The following PKHD1 variants were observed in gnomAD, a reference collection of about 807,000 sequenced individuals.
PKHD1 encodes fibrocystin.
Under a neutral mutation model 412.0 loss-of-function variants are expected in PKHD1, and 291 were observed. The ratio of observed to expected loss-of-function variants is 0.71; its 90% confidence interval spans 0.64 to 0.78. The LOEUF is 0.78. Among genes scored for constraint, PKHD1 ranks in the 30% least tolerant of loss-of-function variants. The pLI is 0.00. For synonymous variants in PKHD1, 1,777 were observed against 1,821.5 expected (o/e 0.98, Z 0.62); for missense variants, 4,825 against 4,950.7 (o/e 0.97, Z 0.76).
At chr6:51,626,790 C>A (rs1767290875) in intron 66 of PKHD1, among the ~76,000 whole-genome samples, 1 of 152,120 alleles carries the variant, frequency 6.6e-6, no homozygotes. Flanking sequence ...ATATAAATAT[C>A]AATTCAAATA....
In PKHD1 at chr6:51,938,500, C is replaced by G. The variant is rs537398195; in HGVS notation, c.5909-4178G>C. 3.3e-4 allele frequency among the ~76,000 whole-genome samples: 45 copies of G among 134,660 alleles called. 2 individuals are homozygous for G. In the South Asian group the frequency reaches 0.012, roughly 35 times the overall value. 88.3% of individuals were successfully genotyped at this position (134,660 alleles called of 152,430 possible). Reference sequence around the variant, plus strand: ...CCCCACTGAGCACGCTGTGACCCCCCACTCCTGCCCGCCAGAGAACAACCC... The same window carrying G: ...CCCCACTGAGCACGCTGTGACCCCCGACTCCTGCCCGCCAGAGAACAACCC... On this transcript the variant is annotated intron_variant, in intron 36 of 66. Coordinates refer to ENST00000371117, the MANE Select transcript of PKHD1 (RefSeq NM_138694.4).
intron 60 of PKHD1, among the ~76,000 whole-genome samples, chr6:51,743,522 G>A (rs1047758205): frequency 6.6e-6 from 1 of 152,062 alleles, no homozygotes; most frequent in Non-Finnish European, 1.5e-5. Context: ...CCAAATTTCA[G>A]GGTCGAGTCT....
At position 52,050,273 on chromosome 6, in the gene PKHD1, C is replaced by T. The variant is rs1380077729; in HGVS notation, c.2163G>A (p.Thr721=). Residue 721 remains threonine, a synonymous_variant, in exon 22 of 67, where the codon ACG becomes ACA. Transcript: ENST00000371117. ...NVTVSQADSG[T]ARPGGNLVES... is the part of the protein sequence containing the mutation. ...CCACCAGATTGCCCCCTGGGCGAGC[C>T]GTTCCAGAATCAGCTTGAGAAACTA... 8 of 1,613,990 alleles carry T rather than the reference C, an allele frequency of 5.0e-6. No individual in the cohort carries two copies. Among genetic ancestry groups the T allele is most frequent in the African/African-American group, 1.3e-5 (1 of 74,912 alleles).
chr6:51,905,984 C>T (rs1326474637), intron 41 of PKHD1, among the ~76,000 whole-genome samples: 2 of 152,146 alleles, frequency 1.3e-5, no homozygotes, highest in African/African-American at 4.8e-5. Context: ...TCCCATTATA[C>T]ACTTATTAAC....
intron 22 of PKHD1, among the ~76,000 whole-genome samples, 168 bp from the exon 23 acceptor site, chr6:52,048,787 C>A (rs1221023133): frequency 6.6e-6 from 1 of 152,210 alleles, no homozygotes; most frequent in Non-Finnish European, 1.5e-5. Context: ...ATGTGAGAAT[C>A]ATTTCAGAGT....
intron 50 of PKHD1, among the ~76,000 whole-genome samples, chr6:51,840,407 G>A (rs1161881288): frequency 1.3e-5 from 2 of 152,052 alleles, no homozygotes; most frequent in East Asian, 1.9e-4. Context: ...AATTTTGGGG[G>A]GGACAAAAGG....
rs1007593876 is a variant in PKHD1, at chr6:52,070,406, T to A, written c.707A>T (p.Lys236Met). The A allele has an allele frequency of 1.9e-6, 3 of 1,601,200 alleles. No individual in the cohort carries two copies. The highest frequency in any genetic ancestry group is 1.7e-5 in the Admixed American group (1 of 59,972). ...CCTATTTCTATACCCAGTTACTTAC[T>A]TTCCTTTGTTAAATACTGAGAAGCT... ...NVSFSVFNKG[K>M]SMVHKKAWLI... is the part of the protein sequence containing the mutation. Residue 236 changes from lysine to methionine, a missense_variant and splice_region_variant, in exon 10 of 67, where the codon AAG (lysine) becomes ATG (methionine). Coordinates refer to ENST00000371117, the MANE Select transcript of PKHD1 (RefSeq NM_138694.4).
At chr6:51,909,898 A>G (rs1227987048) in intron 39 of PKHD1, among the ~76,000 whole-genome samples, 4 of 152,152 alleles carry the variant, frequency 2.6e-5, no homozygotes, top group African/African-American at 9.7e-5. Context: ...TAAGCTGTCC[A>G]ATGAGGTTTC....
Position 52,066,050 on chromosome 6 carries a change from C to A in PKHD1, c.806G>T (p.Gly269Val). ...GATGTTTGTTCTTCCCCCAAGGCTC[C>A]CAGTTTCTGGAAACACAGATAATAT... Reference protein sequence around the residue: ...SEILSVFPETGSLGGRTNITI... With the variant: ...SEILSVFPETVSLGGRTNITI... Residue 269 changes from glycine to valine, a missense_variant, in exon 12 of 67, where the codon GGG becomes GTG. Coordinates refer to ENST00000371117, the MANE Select transcript of PKHD1 (RefSeq NM_138694.4). 6.3e-7 allele frequency: 1 copy of A among 1,596,702 alleles called. No homozygotes were observed. Among genetic ancestry groups the A allele is most frequent in the Non-Finnish European group, 8.6e-7 (1 of 1,165,198 alleles).
In PKHD1 at chr6:51,753,969, A is replaced by T. The variant is rs1431553505; in HGVS notation, c.8798-616T>A. Among the ~76,000 whole-genome samples, 3 of 152,144 alleles carry T rather than the reference A, an allele frequency of 2.0e-5. No individual in the cohort carries two copies. In the East Asian group the frequency reaches 5.8e-4, roughly 29 times the overall value. On this transcript the variant is annotated intron_variant, in intron 56 of 66. Transcript: ENST00000371117. ...CATTTTACTGAAATCATTGCTGAAG[A>T]TTTCTTTTTTCTTTGCCACTTACTA... is the stretch of plus-strand genomic sequence containing the variant.
At chr6:51,837,591 A>G (rs1460869948) in intron 50 of PKHD1, among the ~76,000 whole-genome samples, 4 of 152,082 alleles carry the variant, frequency 2.6e-5, no homozygotes, top group Admixed American at 2.6e-4. Context: ...CTATAATCCC[A>G]GCTACTAGGG....
chr6:51,762,116 C>T (rs888843261), intron 55 of PKHD1, among the ~76,000 whole-genome samples: 1 of 152,026 alleles, frequency 6.6e-6, no homozygotes, highest in African/African-American at 2.4e-5. Flanking sequence ...ATAGCAATGT[C>T]TTAACAGTTA....
chr6:51,725,940 T>C (rs1039411781), intron 60 of PKHD1, among the ~76,000 whole-genome samples: 1 of 152,192 alleles, frequency 6.6e-6, no homozygotes, highest in Non-Finnish European at 1.5e-5. Flanking sequence ...TGTTGTTTTG[T>C]TGATGAGCCA....
At chr6:51,905,021 T>C (rs951461787) in intron 41 of PKHD1, among the ~76,000 whole-genome samples, 5 of 152,234 alleles carry the variant, frequency 3.3e-5, no homozygotes, top group African/African-American at 1.2e-4. Flanking sequence ...AGCAAATGTA[T>C]CTGATTCACA....
chr6:51,834,986 C>T (rs1486077911), intron 51 of PKHD1, among the ~76,000 whole-genome samples: 2 of 152,212 alleles, frequency 1.3e-5, no homozygotes, highest in Non-Finnish European at 2.9e-5. Flanking sequence ...TTCACATCCC[C>T]ATTTGTAAAA....
intron 60 of PKHD1, chr6:51,721,469 C>T: frequency 1.2e-6 from 1 of 817,456 alleles, no homozygotes; most frequent in South Asian, 5.6e-5. Context: ...TAAGGCTTCT[C>T]TACCATATTA....
intron 42 of PKHD1, 86 bp downstream of exon 42, chr6:51,903,899 CT>C: frequency 1.2e-6 from 1 of 812,366 alleles, no homozygotes; most frequent in Admixed American, 2.1e-5. Context: ...CTTAAGAGAC[CT>C]AACATTTTGC....
At chr6:51,739,092 A>G (rs1025837097) in intron 60 of PKHD1, among the ~76,000 whole-genome samples, 6 of 147,520 alleles carry the variant, frequency 4.1e-5, no homozygotes, top group Admixed American at 6.8e-5. Flanking sequence ...ATATTTTAAT[A>G]TGTATTTTAT....
intron 60 of PKHD1, among the ~76,000 whole-genome samples, chr6:51,717,055 G>T (rs1781355832): frequency 6.6e-6 from 1 of 152,174 alleles, no homozygotes; most frequent in Non-Finnish European, 1.5e-5. Context: ...TGTTGCTTAA[G>T]GTTCTTAGAG....
Sources: allele counts gnomAD v4.1 joint callset (sites outside exome capture counted in the v4.1 genomes callset), GRCh38; gene constraint gnomAD v4.1.1; transcripts MANE v1.5; gene names NCBI Gene and HGNC (gene_info 2026-07-23, HGNC 2026-07-21).